C16orf87: variants seen among roughly 807,000 people sequenced by gnomAD.
The protein encoded by C16orf87 is UPF0547 protein C16orf87.
A neutral mutation model predicts 21.0 loss-of-function variants in C16orf87; 13 were observed. The ratio of observed to expected loss-of-function variants is 0.62; its 90% CI spans 0.40 to 0.98. The LOEUF (loss-of-function observed/expected upper bound fraction) is 0.98. Ranked by LOEUF, C16orf87 falls within the 50% of genes least tolerant of loss-of-function variation. The probability of loss-of-function intolerance (pLI) is 0.00; values close to 1 mark genes in which losing one functional copy is unlikely to be tolerated. For synonymous variants in C16orf87, 49 were observed against 60.2 expected, an observed-to-expected ratio of 0.81 and a Z score of 0.86; for missense variants, 113 against 180.4, an observed-to-expected ratio of 0.63 and a Z score of 2.14.
At chr16:46,812,131 C>T (rs968255328) in intron 2 of C16orf87, among the ~76,000 whole-genome samples, 33 of 152,092 alleles carry the variant, frequency 2.2e-4, no homozygotes, top group Admixed American at 2.2e-3. Context: ...GTAGTCCCAA[C>T]TACTCAGGAG....
At chr16:46,819,032 G>C (rs1355426311) in intron 2 of C16orf87, among the ~76,000 whole-genome samples, 1 of 152,060 alleles carries the variant, frequency 6.6e-6, no homozygotes. Context: ...TTTTACATAG[G>C]GTGTGCCCCA....
rs1959846302 is a variant in C16orf87, at chr16:46,831,140, T to A, written c.10A>T (p.Thr4Ser). 1 of 1,574,486 alleles carries A rather than the reference T, an allele frequency of 6.4e-7. No homozygotes were observed. Among genetic ancestry groups the A allele is most frequent in the Non-Finnish European group, 8.6e-7 (1 of 1,158,690 alleles). ...GCCATCTTCACTTTCTTGGCTCGAG[T>A]TGCAGACATGCTCCTCTCCCTTAGC... MSA[T>S]RAKKVKMATK... The change falls in exon 1 of 4, where the codon ACT (threonine) becomes TCT (serine). Residue 4 changes from threonine to serine, a missense_variant. Thr to Ser is a moderately conservative substitution (Grantham distance 58). Coordinates refer to ENST00000285697, the MANE Select transcript of C16orf87 (RefSeq NM_001001436.4).
At chr16:46,827,769 G>C (rs1240282089) in intron 1 of C16orf87, among the ~76,000 whole-genome samples, 1 of 151,730 alleles carries the variant, frequency 6.6e-6, no homozygotes, top group Non-Finnish European at 1.5e-5. Flanking sequence ...TTTTAGTAGA[G>C]ATGGGGTTTC....
At position 46,824,376 on chromosome 16, in the gene C16orf87, TCA is replaced by T. The variant is rs752625211; in HGVS notation, c.163+8_163+9del. ...TCAAAAAGCTAAAAATGTATTAAAC[TCA>T]CAGTTACCTGTAGAAGGTGGTGATT... is the stretch of plus-strand genomic sequence containing the variant. On this transcript the variant is annotated splice_region_variant and intron_variant, in intron 2 of 3. Transcript: ENST00000285697. 4.1e-6 allele frequency: 5 copies of T among 1,233,686 alleles called. No homozygotes were observed. Among genetic ancestry groups the T allele is most frequent in the African/African-American group, 3.0e-5 (2 of 65,626 alleles). The allele number at this position is 1,233,686 out of a possible 1,614,324, so 76.4% of individuals were successfully genotyped here.
chr16:46,805,136 C>T (rs961325038), intron 3 of C16orf87, among the ~76,000 whole-genome samples: 3 of 152,128 alleles, frequency 2.0e-5, no homozygotes, highest in Non-Finnish European at 2.9e-5. Flanking sequence ...ACTCAATGTC[C>T]TTCAGGTTGG....
In C16orf87 at chr16:46,831,034, G is replaced by C. The variant is rs772278560; in HGVS notation, c.66+50C>G. 7 of 1,477,320 alleles carry C rather than the reference G, an allele frequency of 4.7e-6. No homozygotes were observed. The African/African-American group carries it at 7.2e-5, about 15-fold the overall frequency. 91.5% of individuals were successfully genotyped at this position (1,477,320 alleles called of 1,614,324 possible). On this transcript the variant is annotated intron_variant, in intron 1 of 3. Transcript: ENST00000285697. ...GGCGAGGCCCCCCTCCACAGACAACGGCCGCCAAGCCACTGCCGCCCGCCC... is the reference window on the plus strand; with the variant it reads ...GGCGAGGCCCCCCTCCACAGACAACCGCCGCCAAGCCACTGCCGCCCGCCC...
chr16:46,818,781 C>A (rs754489393), intron 2 of C16orf87, among the ~76,000 whole-genome samples: 4 of 152,086 alleles, frequency 2.6e-5, no homozygotes, highest in Non-Finnish European at 5.9e-5. Context: ...CCTCTGCTTC[C>A]CAGGCTCAAG....
intron 1 of C16orf87, among the ~76,000 whole-genome samples, chr16:46,826,324 A>G (rs930202079): frequency 6.6e-6 from 1 of 152,234 alleles, no homozygotes; most frequent in South Asian, 2.1e-4. Context: ...TCTCAACGAA[A>G]AAGTATTTAC....
At chr16:46,829,214 G>C (rs1959748668) in intron 1 of C16orf87, among the ~76,000 whole-genome samples, 1 of 152,154 alleles carries the variant, frequency 6.6e-6, no homozygotes, top group African/African-American at 2.4e-5. Flanking sequence ...ACAGCCATCT[G>C]CAAGCCAAGA....
At chr16:46,829,376 A>C (rs1192080165) in intron 1 of C16orf87, among the ~76,000 whole-genome samples, 1 of 152,170 alleles carries the variant, frequency 6.6e-6, no homozygotes, top group Non-Finnish European at 1.5e-5. Flanking sequence ...GTTTTGTTGA[A>C]CAGTTTTTCA....
At chr16:46,825,586 TTTAG>T (rs1180130195) in intron 1 of C16orf87, among the ~76,000 whole-genome samples, 1 of 152,112 alleles carries the variant, frequency 6.6e-6, no homozygotes, top group Non-Finnish European at 1.5e-5. Context: ...TCTATACTCT[TTTAG>T]TTATTTTTAA....
At position 46,798,753 on chromosome 16, in the gene C16orf87, AG is replaced by A. The variant is rs1269257605; in HGVS notation, c.*4198del. The A allele has an allele frequency of 2.0e-5, 3 of 152,406 alleles. No homozygotes were observed. The highest frequency in any genetic ancestry group is 4.4e-5 in the Non-Finnish European group (3 of 68,244). 9.4% of individuals were successfully genotyped at this position (152,406 alleles called of 1,614,324 possible). ...AGTGAGACTCCGTGTCAAAAAAAAA[AG>A]AAAAGAAAAGCTATCAGTATGTTTC... On this transcript the variant is annotated 3_prime_UTR_variant, in exon 4 of 4. Transcript: ENST00000285697.
rs1232156631 is a variant in C16orf87, at chr16:46,799,190, G to A, written c.*3762C>T. 1 of 152,108 alleles carries A rather than the reference G, an allele frequency of 6.6e-6. No homozygotes were observed. The highest frequency in any genetic ancestry group is 1.5e-5 in the Non-Finnish European group (1 of 68,020). The allele number at this position is 152,108 out of a possible 1,614,324, so 9.4% of individuals were successfully genotyped here. ...AGAGTCTGCTTTGTATGTTAGGATA[G>A]TTATTAGTATAGTTGTAATCTTTGA... On this transcript the variant is annotated 3_prime_UTR_variant, in exon 4 of 4. Coordinates refer to ENST00000285697, the MANE Select transcript of C16orf87 (RefSeq NM_001001436.4).
At position 46,802,687 on chromosome 16, in the gene C16orf87, T is replaced by G. The variant is rs942767378; in HGVS notation, c.*265A>C. The G allele has an allele frequency of 1.9e-4, 47 of 246,078 alleles. No homozygotes were observed. The highest frequency in any genetic ancestry group is 3.9e-4 in the Admixed American group (7 of 18,010). 15.2% of individuals were successfully genotyped at this position (246,078 alleles called of 1,614,324 possible). A position where few individuals can be genotyped will look rare whatever the true frequency, so the allele number is the denominator to read the frequency against. On this transcript the variant is annotated 3_prime_UTR_variant, in exon 4 of 4. Coordinates refer to ENST00000285697, the MANE Select transcript of C16orf87 (RefSeq NM_001001436.4). Reference sequence around the variant, plus strand: ...AACATCCATCCAGCATTTTTGTTGGTTTTTTTTTGTTGTTGGCAAATACAC... The same window carrying G: ...AACATCCATCCAGCATTTTTGTTGGGTTTTTTTTGTTGTTGGCAAATACAC...
At chr16:46,804,881 C>CTTATT (rs1967881379) in intron 3 of C16orf87, among the ~76,000 whole-genome samples, 1 of 152,180 alleles carries the variant, frequency 6.6e-6, no homozygotes, top group Non-Finnish European at 1.5e-5. Context: ...TTGTGCCTAG[C>CTTATT]TTATTTTGCT....
intron 1 of C16orf87, among the ~76,000 whole-genome samples, chr16:46,830,308 G>GAC (rs72292263): frequency 2.2e-4 from 5 of 23,062 alleles, no homozygotes; most frequent in African/African-American, 5.7e-4. Flanking sequence ...GAGAGAGAGA[G>GAC]ACACACAGAG....
intron 1 of C16orf87, 24 bp from the exon 2 acceptor site, chr16:46,824,506 AT>A: frequency 1.0e-6 from 1 of 1,000,660 alleles, no homozygotes; most frequent in Non-Finnish European, 1.5e-6. Flanking sequence ...AGAAAAATAT[AT>A]ATTATTACTA....
At chr16:46,805,621 T>C (rs988514465) in intron 3 of C16orf87, among the ~76,000 whole-genome samples, 1 of 152,352 alleles carries the variant, frequency 6.6e-6, no homozygotes, top group Middle Eastern at 3.4e-3. Flanking sequence ...CATACTATAA[T>C]AGATGCTTTC....
intron 3 of C16orf87, among the ~76,000 whole-genome samples, chr16:46,806,742 G>T (rs1357243692): frequency 6.6e-6 from 1 of 152,130 alleles, no homozygotes; most frequent in Non-Finnish European, 1.5e-5. Context: ...ATATTATTAT[G>T]ATGATGTCTA....
Sources: gnomAD v4.1 joint callset for allele counts (sites outside exome capture counted in the v4.1 genomes callset) on GRCh38, gnomAD v4.1.1 for gene constraint, MANE v1.5 for transcripts, NCBI Gene and HGNC (gene_info 2026-07-23, HGNC 2026-07-21) for gene names.